The following TFR2 variants were observed in gnomAD, a reference collection of about 807,000 sequenced individuals.
TFR2 encodes transferrin receptor 2.
TFR2 carries 64 observed loss-of-function variants against 91.9 expected under a neutral mutation model. That is an observed-to-expected ratio of 0.70 (90% CI 0.57 to 0.86). The LOEUF is 0.86. Among genes scored for constraint, TFR2 ranks in the 40% least tolerant of loss-of-function variants. The pLI is 0.00. For missense variants in TFR2, 950 were observed against 1,080.5 expected, an observed-to-expected ratio of 0.88 and a Z score of 1.69; for synonymous variants, 454 against 459.6, an observed-to-expected ratio of 0.99 and a Z score of 0.15.
intron 16 of TFR2, 136 bp downstream of exon 16, chr7:100,627,127 TG>T: frequency 1.6e-6 from 2 of 1,245,340 alleles, no homozygotes; most frequent in Non-Finnish European, 1.1e-6. Context: ...GCTGGGAGAC[TG>T]GAGGCAGGGG....
intron 6 of TFR2, among the ~76,000 whole-genome samples, chr7:100,632,551 CTTTT>C (rs1266109813): frequency 7.8e-6 from 1 of 127,612 alleles, no homozygotes; most frequent in African/African-American, 2.8e-5. Flanking sequence ...GTTTCTCTCT[CTTTT>C]TTTTTTTTTT....
chr7:100,621,421 T>C (rs1049859862), intron 17 of TFR2, among the ~76,000 whole-genome samples: 3 of 152,124 alleles, frequency 2.0e-5, no homozygotes, highest in African/African-American at 7.2e-5. Flanking sequence ...GCCCGGCTAA[T>C]TTTTGTATTT....
chr7:100,628,203 C>G (rs752025865), intron 11 of TFR2, 21 bp downstream of exon 11: 4 of 1,613,800 alleles, frequency 2.5e-6, no homozygotes, highest in Non-Finnish European at 3.4e-6. Context: ...GCCTAACGAC[C>G]TGCCCGGGAC....
chr7:100,628,345 C>T (rs1803329013), intron 10 of TFR2, 39 bp from the exon 11 acceptor site: 2 of 1,595,958 alleles, frequency 1.3e-6, no homozygotes, highest in Non-Finnish European at 8.6e-7. Context: ...TTAGCAGGGG[C>T]CAAGCAAAGA....
In TFR2 at chr7:100,627,638, C is replaced by A; in HGVS notation, c.1706G>T (p.Ser569Ile). 6.2e-7 allele frequency: 1 copy of A among 1,614,132 alleles called. No individual in the cohort carries two copies. Among genetic ancestry groups the A allele is most frequent in the Non-Finnish European group, 8.5e-7 (1 of 1,180,010 alleles). Residue 569 changes from serine to isoleucine, a missense_variant, in exon 15 of 18, where the codon AGC becomes ATC. Coordinates refer to ENST00000223051, the MANE Select transcript of TFR2 (RefSeq NM_003227.4). ...AEVIRPLPMD[S>I]SAYSFTAFVG... is the part of the protein sequence containing the mutation. ...AAAGGCCGTGAAGGAATAGGCACTG[C>A]TGTCCATGGGTAGGGGCCGGATCCT...
chr7:100,633,417 G>A lies in TFR2; in HGVS notation c.613C>T (p.Pro205Ser), dbSNP rs779300527. 6.2e-7 allele frequency: 1 copy of A among 1,610,042 alleles called. No individual in the cohort carries two copies. Among genetic ancestry groups the A allele is most frequent in the East Asian group, 2.2e-5 (1 of 44,704 alleles). Residue 205 changes from proline to serine, a missense_variant and splice_region_variant, in exon 4 of 18, where the codon CCG becomes TCG. By Grantham distance (74) the Pro-to-Ser change is moderately conservative. Transcript: ENST00000223051. ...CCCCCCGCCCGCGCGCGCACTCACG[G>A]ATCCGGGAATTGCAGCCCCACGTAG... ...THYVGLQFPD[P>S]AHPNTLHWVD... is the part of the protein sequence containing the mutation.
At chr7:100,626,927 G>C in intron 16 of TFR2, 24 bp from the exon 17 acceptor site, 1 of 1,530,738 alleles carries the variant, frequency 6.5e-7, no homozygotes, top group Non-Finnish European at 8.8e-7. Context: ...GCGCGGGCTG[G>C]GGCTGGCGGC....
At chr7:100,623,294 G>A (rs1210989687) in intron 17 of TFR2, among the ~76,000 whole-genome samples, 1 of 152,052 alleles carries the variant, frequency 6.6e-6, no homozygotes, top group African/African-American at 2.4e-5. Context: ...AAAACAAATG[G>A]CAACTGCTAT....
At chr7:100,641,446 T>C (rs1375207171) in intron 1 of TFR2, 31 bp downstream of exon 1, 5 of 1,613,126 alleles carry the variant, frequency 3.1e-6, no homozygotes, top group Admixed American at 1.7e-5. Flanking sequence ...AGAGAAGGCC[T>C]AAGGGGTCTT....
At chr7:100,641,437 GAGA>G in intron 1 of TFR2, 37 bp downstream of exon 1, 1 of 1,612,790 alleles carries the variant, frequency 6.2e-7, no homozygotes, top group Non-Finnish European at 8.5e-7. Context: ...GGGACTTAGA[GAGA>G]AGGCCTAAGG....
intron 3 of TFR2, among the ~76,000 whole-genome samples, chr7:100,637,796 G>C (rs1460462591): frequency 6.6e-6 from 1 of 151,084 alleles, no homozygotes; most frequent in East Asian, 2.0e-4. Flanking sequence ...CTAGGTGACA[G>C]AGCAAGGCCC....
At chr7:100,635,151 G>A (rs1803551433) in intron 3 of TFR2, among the ~76,000 whole-genome samples, 1 of 151,814 alleles carries the variant, frequency 6.6e-6, no homozygotes, top group East Asian at 1.9e-4. Flanking sequence ...TGTCGGCTAG[G>A]CTGGTCTCAA....
rs1803265066 is a variant in TFR2, at chr7:100,626,780, T to C, written c.2119A>G (p.Asn707Asp). 6.5e-7 allele frequency: 1 copy of C among 1,546,756 alleles called. No homozygotes were observed. Among genetic ancestry groups the C allele is most frequent in the Admixed American group, 2.0e-5 (1 of 50,976 alleles). Residue 707 changes from asparagine (N) to aspartate (D), a missense_variant, in exon 17 of 18, where the codon AAC becomes GAC. Transcript: ENST00000223051. Reference sequence around the variant, plus strand: ...GGCCTCACCCGCATTATGCGCACGTTGTACATGCGTGTCAGTCGCTCGTCT... The same window carrying C: ...GGCCTCACCCGCATTATGCGCACGTCGTACATGCGTGTCAGTCGCTCGTCT... ...ERDERLTRMY[N>D]VRIMRVEFYF...
Position 100,641,032 on chromosome 7 carries a change from G to C in TFR2, c.230C>G (p.Ala77Gly). ...RQPNLIPWAA[A>G]GRRAAPYLVL... is the part of the protein sequence containing the mutation. ...CAGGTAGGGGGCAGCCCTCCGTCCT[G>C]CTGCCGCCCAGGGAATGAGGTTTGG... is the stretch of plus-strand genomic sequence containing the variant. Residue 77 changes from alanine (A) to glycine (G), a missense_variant, in exon 2 of 18, where the codon GCA (alanine) becomes GGA (glycine). Ala to Gly is a moderately conservative substitution (Grantham distance 60, BLOSUM62 0). Coordinates refer to ENST00000223051, the MANE Select transcript of TFR2 (RefSeq NM_003227.4). 3 of 1,601,908 alleles carry C rather than the reference G, an allele frequency of 1.9e-6. No homozygotes were observed. The highest frequency in any genetic ancestry group is 2.6e-6 in the Non-Finnish European group (3 of 1,173,154).
chr7:100,638,067 G>C (rs933086948), intron 3 of TFR2, among the ~76,000 whole-genome samples: 2 of 151,862 alleles, frequency 1.3e-5, no homozygotes, highest in South Asian at 2.1e-4. Flanking sequence ...GCAGTGGCGC[G>C]ATCTCGGTTC....
intron 17 of TFR2, among the ~76,000 whole-genome samples, chr7:100,621,930 C>T (rs1803124233): frequency 6.6e-6 from 1 of 152,178 alleles, no homozygotes; most frequent in Non-Finnish European, 1.5e-5. Context: ...GTGGGCAGGT[C>T]TCAAAGTTCC....
intron 17 of TFR2, among the ~76,000 whole-genome samples, chr7:100,622,560 T>A (rs949762771): frequency 1.3e-5 from 2 of 152,214 alleles, no homozygotes; most frequent in African/African-American, 2.4e-5. Context: ...TTCAGGTAAG[T>A]TTCTTAGCCT....
In TFR2 at chr7:100,621,090, C is replaced by A; in HGVS notation, c.2173G>T (p.Ala725Ser). Residue 725 changes from alanine (A) to serine (S), a missense_variant, in exon 18 of 18, where the codon GCC becomes TCC. Physicochemically the swap from Ala to Ser is moderately conservative, Grantham distance 99. Coordinates refer to ENST00000223051, the MANE Select transcript of TFR2 (RefSeq NM_003227.4). The part of the protein sequence containing the change: ...FYFLSQYVSP[A>S]DSPFRHIFMG... ...AAGATGTGGCGGAACGGGGAGTCGGCTGGCGACACGTACTGGGAAAGGAAG... is the reference window on the plus strand; with the variant it reads ...AAGATGTGGCGGAACGGGGAGTCGGATGGCGACACGTACTGGGAAAGGAAG... 1 of 1,540,710 alleles carries A rather than the reference C, an allele frequency of 6.5e-7. No homozygotes were observed. Among genetic ancestry groups the A allele is most frequent in the Non-Finnish European group, 8.8e-7 (1 of 1,138,588 alleles).
At chr7:100,635,519 C>G (rs1282838571) in intron 3 of TFR2, among the ~76,000 whole-genome samples, 3 of 151,642 alleles carry the variant, frequency 2.0e-5, no homozygotes, top group Non-Finnish European at 4.4e-5. Context: ...AATCTTGGCT[C>G]ACTGCAACCT....
Sources: gnomAD v4.1 joint callset for allele counts (sites outside exome capture counted in the v4.1 genomes callset) on GRCh38, gnomAD v4.1.1 for gene constraint, MANE v1.5 for transcripts, NCBI Gene and HGNC (gene_info 2026-07-23, HGNC 2026-07-21) for gene names.